ZNF266: variants seen among roughly 807,000 people sequenced by gnomAD.
ZNF266 encodes zinc finger protein 1.
Under a neutral mutation model 16.4 loss-of-function variants are expected in ZNF266, and 16 were observed. That is an observed-to-expected ratio of 0.98 (90% CI 0.66 to 1.48). ZNF266 has a LOEUF of 1.48. Among genes scored for constraint, ZNF266 ranks in the 40% most tolerant of loss-of-function variants. The probability of loss-of-function intolerance (pLI) is 0.00; values close to 1 mark genes in which losing one functional copy is unlikely to be tolerated. For synonymous variants in ZNF266, 262 were observed against 237.9 expected, an observed-to-expected ratio of 1.10 and a Z score of -0.93; for missense variants, 738 against 689.1, an observed-to-expected ratio of 1.07 and a Z score of -0.79.
chr19:9,426,764 C>G (rs1290545582), intron 5 of ZNF266, among the ~76,000 whole-genome samples: 1 of 152,108 alleles, frequency 6.6e-6, no homozygotes, highest in Non-Finnish European at 1.5e-5. Context: ...ACACTTATAC[C>G]TGGGGATCCC....
In ZNF266 at chr19:9,421,996, A is replaced by G. The variant is rs548788553; in HGVS notation, c.-129-1778T>C. Among the ~76,000 whole-genome samples, 59 of 152,002 alleles carry G rather than the reference A, an allele frequency of 3.9e-4. No homozygotes were observed. In the East Asian group the frequency reaches 8.1e-3, roughly 21 times the overall value. ...CTCCCGAGTAGCTGGGACTATAGGCACCCGCCACCACACCCGGCTAATTTT... is the reference window on the plus strand; with the variant it reads ...CTCCCGAGTAGCTGGGACTATAGGCGCCCGCCACCACACCCGGCTAATTTT... On this transcript the variant is annotated intron_variant, in intron 5 of 10. Transcript: ENST00000592904.
Position 9,413,403 on chromosome 19 carries a change from G to C in ZNF266, c.1723C>G (p.Gln575Glu). 1 of 1,608,086 alleles carries C rather than the reference G, an allele frequency of 6.2e-7. No individual in the cohort carries two copies. ...CCAGTGTGAGTTCGTTCATGTAACT[G>C]AAACGAATTGGAGTAACTGAAGGAT... ...GKSFSYSNSFQLHERTHTGEK... is the reference protein window; with the variant it reads ...GKSFSYSNSFELHERTHTGEK... The change falls in exon 11 of 11, where the codon CAG becomes GAG. Residue 575 changes from glutamine (Q) to glutamate (E), a missense_variant. By Grantham distance (29) the Gln-to-Glu change is conservative. Transcript: ENST00000592904.
chr19:9,418,332 C>G (rs1396750698), intron 8 of ZNF266, among the ~76,000 whole-genome samples, 173 bp downstream of exon 8: 1 of 152,208 alleles, frequency 6.6e-6, no homozygotes, highest in Non-Finnish European at 1.5e-5. Flanking sequence ...TGGTGATGCT[C>G]TTCATCTGAC....
chr19:9,418,757 C>T, intron 7 of ZNF266, 126 bp from the exon 8 acceptor site: 1 of 587,982 alleles, frequency 1.7e-6, no homozygotes, highest in Non-Finnish European at 3.1e-6. Context: ...TCTATCCACA[C>T]TCACTCACTG....
At position 9,415,703 on chromosome 19, in the gene ZNF266, GCTAA is replaced by G. The variant is rs780109399; in HGVS notation, c.352_355del (p.Leu118ProfsTer17). ...CTCCCCCAAAACATCCTGCTGAAGGGCTAACTCTTTGGTTTTAAGTTGCACTTTC... is the reference window on the plus strand; with the variant it reads ...CTCCCCCAAAACATCCTGCTGAAGGGCTCTTTGGTTTTAAGTTGCACTTTC... On this transcript the variant is annotated frameshift_variant, in exon 10 of 11. Coordinates refer to ENST00000592904, the MANE Select transcript of ZNF266 (RefSeq NM_001370374.1). LOFTEE classifies it low-confidence loss of function (END_TRUNC). The G allele has an allele frequency of 1.1e-5, 17 of 1,613,292 alleles. No individual in the cohort carries two copies. The highest frequency in any genetic ancestry group is 5.0e-5 in the Admixed American group (3 of 59,996).
chr19:9,429,003 G>A (rs2071192983), intron 5 of ZNF266, among the ~76,000 whole-genome samples: 1 of 151,800 alleles, frequency 6.6e-6, no homozygotes, highest in Admixed American at 6.6e-5. Flanking sequence ...CAAACTCCTG[G>A]GATTACAGGG....
intron 5 of ZNF266, among the ~76,000 whole-genome samples, chr19:9,428,634 C>T (rs1284301992): frequency 6.6e-6 from 1 of 151,176 alleles, no homozygotes; most frequent in South Asian, 2.1e-4. Flanking sequence ...GCTGGATGCC[C>T]AGGTCAACAA....
intron 5 of ZNF266, among the ~76,000 whole-genome samples, chr19:9,421,485 CA>C (rs1275047271): frequency 6.6e-6 from 1 of 152,198 alleles, no homozygotes; most frequent in Non-Finnish European, 1.5e-5. Context: ...CTTGCATAAT[CA>C]AAAGCCTAAA....
intron 5 of ZNF266, among the ~76,000 whole-genome samples, chr19:9,432,408 A>G (rs1032988906): frequency 6.6e-6 from 1 of 152,228 alleles, no homozygotes; most frequent in East Asian, 1.9e-4. Context: ...CAGCAACTTT[A>G]TATCAGAATC....
chr19:9,422,064 G>C (rs940135447), intron 5 of ZNF266, among the ~76,000 whole-genome samples: 1 of 152,144 alleles, frequency 6.6e-6, no homozygotes, highest in Non-Finnish European at 1.5e-5. Context: ...TGTCAGCCAG[G>C]ATGGTCTCGA....
intron 5 of ZNF266, among the ~76,000 whole-genome samples, chr19:9,422,160 C>CT (rs56091445): frequency 4.0e-5 from 6 of 151,710 alleles, no homozygotes; most frequent in South Asian, 4.2e-4. Context: ...ACAACAAAAC[C>CT]TTTTTTTTAT....
Position 9,413,261 on chromosome 19 carries a change from T to C in ZNF266, c.*14A>G, listed in dbSNP as rs1568397030. 1 of 1,556,298 alleles carries C rather than the reference T, an allele frequency of 6.4e-7. No homozygotes were observed. Among genetic ancestry groups the C allele is most frequent in the African/African-American group, 1.4e-5 (1 of 73,040 alleles). On this transcript the variant is annotated 3_prime_UTR_variant, in exon 11 of 11. Coordinates refer to ENST00000592904, the MANE Select transcript of ZNF266 (RefSeq NM_001370374.1). ...CAGAGAGAACAGGGACACCTTTAGG[T>C]TTTCCCACATTCCTTATGCTGACAG...
intron 5 of ZNF266, among the ~76,000 whole-genome samples, chr19:9,422,300 T>C (rs920116581): frequency 6.6e-6 from 1 of 152,190 alleles, no homozygotes; most frequent in Non-Finnish European, 1.5e-5. Context: ...AATGTTCCCC[T>C]TGACCTGGCA....
Position 9,412,800 on chromosome 19 carries a change from C to T in ZNF266, c.*475G>A, listed in dbSNP as rs2068442648. On this transcript the variant is annotated 3_prime_UTR_variant, in exon 11 of 11. Transcript: ENST00000592904. Reference sequence around the variant, plus strand: ...CTTCCTTCAGTTTCCCTTATAGGGACACCAGTGATGTCAGATTAGGGATCG... The same window carrying T: ...CTTCCTTCAGTTTCCCTTATAGGGATACCAGTGATGTCAGATTAGGGATCG... 1 of 157,772 alleles carries T rather than the reference C, an allele frequency of 6.3e-6. No individual in the cohort carries two copies. The highest frequency in any genetic ancestry group is 2.4e-5 in the African/African-American group (1 of 41,496). 9.8% of individuals were successfully genotyped at this position (157,772 alleles called of 1,614,324 possible). A position where few individuals can be genotyped will look rare whatever the true frequency, so the allele number is the denominator to read the frequency against.
chr19:9,427,929 A>C (rs1230746762), intron 5 of ZNF266, among the ~76,000 whole-genome samples: 1 of 152,210 alleles, frequency 6.6e-6, no homozygotes, highest in Non-Finnish European at 1.5e-5. Context: ...TTATAATTTA[A>C]ATTAAAATCA....
chr19:9,426,540 G>GA (rs898371650), intron 5 of ZNF266, among the ~76,000 whole-genome samples: 64 of 138,870 alleles, frequency 4.6e-4, no homozygotes, highest in African/African-American at 4.7e-4. Flanking sequence ...ACAAGTTCAA[G>GA]AAAAAAAAAA....
intron 6 of ZNF266, chr19:9,419,607 T>TG (rs1568410523): frequency 6.6e-6 from 1 of 152,230 alleles, no homozygotes; most frequent in Non-Finnish European, 1.5e-5. Flanking sequence ...AGGGGGCTGA[T>TG]GAAGTATTCT....
At chr19:9,418,442 A>C in intron 8 of ZNF266, 63 bp downstream of exon 8, 1 of 1,559,870 alleles carries the variant, frequency 6.4e-7, no homozygotes, top group Non-Finnish European at 8.8e-7. Flanking sequence ...CTGATGTGCA[A>C]TACAGTAAGT....
Position 9,420,229 on chromosome 19 carries a change from AAATCATT to A in ZNF266, c.-129-18_-129-12del, listed in dbSNP as rs2069648860. The A allele has an allele frequency of 6.6e-6, 1 of 152,372 alleles. No homozygotes were observed. Among genetic ancestry groups the A allele is most frequent in the Non-Finnish European group, 1.5e-5 (1 of 68,058 alleles). The allele number at this position is 152,372 out of a possible 1,614,324, so 9.4% of individuals were successfully genotyped here. Reference sequence around the variant, plus strand: ...AGGGTTAACGGTATCCTGTTTGTATAAATCATTAATCAACAAGCATTACTTATCAGTC... The same window carrying A: ...AGGGTTAACGGTATCCTGTTTGTATAAATCAACAAGCATTACTTATCAGTC... On this transcript the variant is annotated splice_polypyrimidine_tract_variant and intron_variant, in intron 5 of 10. Coordinates refer to ENST00000592904, the MANE Select transcript of ZNF266 (RefSeq NM_001370374.1).
Sources: gnomAD v4.1 joint callset for allele counts (sites outside exome capture counted in the v4.1 genomes callset) on GRCh38, gnomAD v4.1.1 for gene constraint, MANE v1.5 for transcripts, NCBI Gene and HGNC (gene_info 2026-07-23, HGNC 2026-07-21) for gene names.